RNF149: variants seen among roughly 807,000 people sequenced by gnomAD.
The protein encoded by RNF149 is ring finger protein 149.
A neutral mutation model predicts 39.0 loss-of-function variants in RNF149; 21 were observed. The ratio of observed to expected loss-of-function variants is 0.54; its 90% CI spans 0.38 to 0.77. The LOEUF is 0.77. RNF149 is among the 30% of genes least tolerant of loss of function. The pLI is 0.00. For synonymous variants in RNF149, 209 were observed against 213.6 expected (o/e 0.98, Z 0.19); for missense variants, 493 against 534.9 (o/e 0.92, Z 0.77).
chr2:101,299,822 A>C (rs886165972), intron 1 of RNF149, among the ~76,000 whole-genome samples: 30 of 152,210 alleles, frequency 2.0e-4, no homozygotes, highest in African/African-American at 6.5e-4. Context: ...GTGTTCAGAA[A>C]TCCCAGGGAG....
At chr2:101,304,101 T>C (rs1471040370) in intron 1 of RNF149, among the ~76,000 whole-genome samples, 1 of 152,196 alleles carries the variant, frequency 6.6e-6, no homozygotes, top group Non-Finnish European at 1.5e-5. Flanking sequence ...TTGCAATACC[T>C]GCATTAAATC....
At chr2:101,294,895 T>C in intron 2 of RNF149, 36 bp downstream of exon 2, 1 of 1,557,814 alleles carries the variant, frequency 6.4e-7, no homozygotes, top group Non-Finnish European at 8.8e-7. Context: ...ATGAATTATC[T>C]TTTAAAAAGC....
At chr2:101,285,670 G>A (rs1481852522) in intron 5 of RNF149, among the ~76,000 whole-genome samples, 3 of 152,162 alleles carry the variant, frequency 2.0e-5, no homozygotes, top group East Asian at 1.9e-4. Context: ...CTAGGAATAC[G>A]GAATATTTGA....
chr2:101,302,041 TC>T (rs1166608973), intron 1 of RNF149, among the ~76,000 whole-genome samples: 2 of 152,218 alleles, frequency 1.3e-5, no homozygotes, highest in Non-Finnish European at 2.9e-5. Context: ...TTTTTTTCCC[TC>T]CTCTCTGGAG....
At chr2:101,299,527 A>G (rs1683370870) in intron 1 of RNF149, among the ~76,000 whole-genome samples, 1 of 152,228 alleles carries the variant, frequency 6.6e-6, no homozygotes, top group Non-Finnish European at 1.5e-5. Context: ...TGATGGTTAT[A>G]TCTGATATAA....
chr2:101,308,063 C>T (rs1573274859), intron 1 of RNF149, 66 bp downstream of exon 1: 3 of 1,564,838 alleles, frequency 1.9e-6, no homozygotes, highest in East Asian at 4.8e-5. Flanking sequence ...TCAGGGCCAA[C>T]CCTGAAGACC....
chr2:101,277,102 T>C lies in RNF149; in HGVS notation c.*136A>G. The C allele has an allele frequency of 1.4e-6, 2 of 1,434,468 alleles. No individual in the cohort carries two copies. The highest frequency in any genetic ancestry group is 2.7e-5 in the South Asian group (2 of 74,896). 88.9% of individuals were successfully genotyped at this position (1,434,468 alleles called of 1,614,324 possible). A position where few individuals can be genotyped will look rare whatever the true frequency, so the allele number is the denominator to read the frequency against. On this transcript the variant is annotated 3_prime_UTR_variant, in exon 7 of 7. Coordinates refer to ENST00000295317, the MANE Select transcript of RNF149 (RefSeq NM_173647.4). ...GAAGAAAATATCTTAGTCCTTTGTA[T>C]ATCAAATCAGAATCTAATAGGTAAA...
intron 1 of RNF149, among the ~76,000 whole-genome samples, chr2:101,295,788 TAAAAAA>T (rs554307643): frequency 7.2e-6 from 1 of 138,398 alleles, no homozygotes; most frequent in African/African-American, 2.7e-5. Context: ...CACAGCAGAT[TAAAAAA>T]AAAAAAAGTT....
intron 1 of RNF149, among the ~76,000 whole-genome samples, chr2:101,304,261 G>A (rs1342627118): frequency 2.0e-5 from 3 of 152,112 alleles, no homozygotes; most frequent in Admixed American, 2.0e-4. Flanking sequence ...GCCAGACACG[G>A]TGGCGTGCAC....
At position 101,275,871 on chromosome 2, in the gene RNF149, G is replaced by A. The variant is rs1682329560; in HGVS notation, c.*1367C>T. 1.0e-6 allele frequency: 1 copy of A among 985,046 alleles called. No individual in the cohort carries two copies. The highest frequency in any genetic ancestry group is 1.1e-4 in the East Asian group (1 of 8,806). The allele number at this position is 985,046 out of a possible 1,614,324, so 61.0% of individuals were successfully genotyped here. A position where few individuals can be genotyped will look rare whatever the true frequency, so the allele number is the denominator to read the frequency against. On this transcript the variant is annotated 3_prime_UTR_variant, in exon 7 of 7. Transcript: ENST00000295317. ...TGGCTGTTATGGAAACCTACTTGAG[G>A]TTGTCTGCTAAAACCAACTCAGTGT...
chr2:101,282,079 AAAAACATGATCAAAGCTT>A lies in RNF149; in HGVS notation c.961-40_961-23del, dbSNP rs143774964. On this transcript the variant is annotated intron_variant, in intron 5 of 6. Coordinates refer to ENST00000295317, the MANE Select transcript of RNF149 (RefSeq NM_173647.4). The stretch of plus-strand genomic sequence containing the variant: ...CTCCCTTGAGAATTAGAACAGAAGA[AAAAACATGATCAAAGCTT>A]AAAACATGATCAAAGCTTATGTATC... The A allele has an allele frequency of 4.8e-3, 7,802 of 1,612,854 alleles. 372 individuals are homozygous for A. In the African/African-American group the frequency reaches 0.093, roughly 19 times the overall value.
At chr2:101,305,961 G>C (rs371209251) in intron 1 of RNF149, among the ~76,000 whole-genome samples, 1 of 152,176 alleles carries the variant, frequency 6.6e-6, no homozygotes, top group South Asian at 2.1e-4. Context: ...TCTTTAAATT[G>C]TTTCGTTGGT....
At chr2:101,293,093 C>T (rs183388780) in intron 3 of RNF149, among the ~76,000 whole-genome samples, 228 of 150,356 alleles carry the variant, frequency 1.5e-3, no homozygotes, top group African/African-American at 5.1e-3. Context: ...GGAATGGTAG[C>T]CACCAATACA....
rs754521580 is a variant in RNF149, at chr2:101,308,154, G to A, written c.435C>T (p.Asn145=). Residue 145 remains asparagine (N), a synonymous_variant, in exon 1 of 7, where the codon AAC becomes AAT. Coordinates refer to ENST00000295317, the MANE Select transcript of RNF149 (RefSeq NM_173647.4). The stretch of plus-strand genomic sequence containing the variant: ...CCGCGTGAGACATGGGCAAGGTGAT[G>A]TTCCCGTAGCGCTCCTCATTGTAGA... ...VVLYNEERYG[N]ITLPMSHAGT... is the part of the protein sequence containing the mutation. 2 of 1,609,868 alleles carry A rather than the reference G, an allele frequency of 1.2e-6. No individual in the cohort carries two copies. The highest frequency in any genetic ancestry group is 1.3e-5 in the African/African-American group (1 of 74,426).
intron 1 of RNF149, among the ~76,000 whole-genome samples, chr2:101,297,513 C>T (rs1055146232): frequency 6.7e-6 from 1 of 149,426 alleles, no homozygotes; most frequent in Admixed American, 6.8e-5. Context: ...CACACCACTA[C>T]ACCTGGCTAA....
At chr2:101,274,277 G>A (rs186635579), downstream of RNF149, among the ~76,000 whole-genome samples, 8 of 152,250 alleles carry the variant, frequency 5.3e-5, no homozygotes, top group East Asian at 1.9e-4. Flanking sequence ...AAACGTTCAC[G>A]CTGGGTCCAG....
intron 6 of RNF149, among the ~76,000 whole-genome samples, chr2:101,281,237 TA>T (rs1421996965): frequency 6.6e-6 from 1 of 152,192 alleles, no homozygotes; most frequent in Non-Finnish European, 1.5e-5. Flanking sequence ...TCTGTAGCTG[TA>T]AAAAATTATC....
At chr2:101,292,753 G>A (rs1196440828) in intron 3 of RNF149, among the ~76,000 whole-genome samples, 2 of 151,988 alleles carry the variant, frequency 1.3e-5, no homozygotes, top group Non-Finnish European at 2.9e-5. Flanking sequence ...GTGACAGAGC[G>A]AGACTCCATC....
intron 3 of RNF149, among the ~76,000 whole-genome samples, chr2:101,290,771 C>T (rs1403101188): frequency 6.6e-6 from 1 of 152,150 alleles, no homozygotes; most frequent in Non-Finnish European, 1.5e-5. Context: ...ACAAAAAGTG[C>T]TGGGGAGAAA....
Sources: allele counts gnomAD v4.1 joint callset (sites outside exome capture counted in the v4.1 genomes callset), GRCh38; gene constraint gnomAD v4.1.1; transcripts MANE v1.5; gene names NCBI Gene and HGNC (gene_info 2026-07-23, HGNC 2026-07-21).